The following POMK variants were observed in gnomAD, a reference collection of about 807,000 sequenced individuals.
POMK encodes the protein protein O-mannose kinase, also known as Sugen kinase 196.
POMK carries 19 observed loss-of-function variants against 23.0 expected under a neutral mutation model. The observed-to-expected ratio is 0.83, with a 90% CI of 0.58 to 1.21. POMK has a LOEUF of 1.21. Among genes scored for constraint, POMK ranks in the 50% most tolerant of loss-of-function variants. The pLI is 0.00. For synonymous variants in POMK, 173 were observed against 171.6 expected (o/e 1.01, Z -0.06); for missense variants, 410 against 431.3 (o/e 0.95, Z 0.44).
chr8:43,110,958 G>A (rs978790137), intron 4 of POMK, among the ~76,000 whole-genome samples: 5 of 152,040 alleles, frequency 3.3e-5, no homozygotes, highest in Non-Finnish European at 5.9e-5. Context: ...CAAGATGGCC[G>A]AATAGGAACA....
intron 4 of POMK, among the ~76,000 whole-genome samples, chr8:43,112,008 G>A (rs190075580): frequency 0.025 from 3,715 of 149,326 alleles, 231 homozygotes; most frequent in Admixed American, 0.15. Context: ...AAATCAGAGC[G>A]CCTCTCCTCC....
At chr8:43,095,722 G>A (rs1035311766) in intron 1 of POMK, among the ~76,000 whole-genome samples, 3 of 152,126 alleles carry the variant, frequency 2.0e-5, no homozygotes, top group African/African-American at 7.2e-5. Flanking sequence ...CCAAAACTCT[G>A]GCAAGAGGCT....
At chr8:43,099,126 G>C (rs1811390072) in intron 2 of POMK, among the ~76,000 whole-genome samples, 1 of 152,040 alleles carries the variant, frequency 6.6e-6, no homozygotes, top group Non-Finnish European at 1.5e-5. Flanking sequence ...TTTAAATTTA[G>C]TTTTTGTAGA....
intron 4 of POMK, among the ~76,000 whole-genome samples, chr8:43,112,119 G>GA (rs1193182590): frequency 6.6e-6 from 1 of 152,012 alleles, no homozygotes; most frequent in Non-Finnish European, 1.5e-5. Flanking sequence ...AAACTACTGC[G>GA]AGCTAAAGGA....
rs1811491477 is a variant in POMK, at chr8:43,103,705, A to G, written c.157A>G (p.Thr53Ala). The change falls in exon 4 of 5, where the codon ACA (threonine) becomes GCA (alanine). Residue 53 changes from threonine to alanine, a missense_variant. By Grantham distance (58) the Thr-to-Ala change is moderately conservative (BLOSUM62 0). Coordinates refer to ENST00000331373, the MANE Select transcript of POMK (RefSeq NM_032237.5). ...IAPRQSTVDP[T>A]HCPYGHFRIG... ...TCCTCGACAATCCACTGTGGACCCC[A>G]CACACTGTCCCTATGGTCACTTCAG... 6.2e-7 allele frequency: 1 copy of G among 1,613,998 alleles called. No homozygotes were observed. The highest frequency in any genetic ancestry group is 1.1e-5 in the South Asian group (1 of 91,086).
intron 4 of POMK, among the ~76,000 whole-genome samples, chr8:43,119,627 G>A (rs1319650947): frequency 1.3e-5 from 2 of 151,640 alleles, no homozygotes; most frequent in African/African-American, 2.4e-5. Flanking sequence ...TAGAGATGGG[G>A]TTTCACCATG....
At chr8:43,115,393 C>T (rs1215085243) in intron 4 of POMK, among the ~76,000 whole-genome samples, 2 of 152,190 alleles carry the variant, frequency 1.3e-5, no homozygotes, top group Non-Finnish European at 1.5e-5. Flanking sequence ...TTCTCAAACT[C>T]ACCACGTCAC....
chr8:43,105,355 C>T (rs931073843), intron 4 of POMK, among the ~76,000 whole-genome samples: 1 of 152,198 alleles, frequency 6.6e-6, no homozygotes, highest in African/African-American at 2.4e-5. Flanking sequence ...CCCTTCCCAG[C>T]CTCTAGAAAA....
At position 43,103,801 on chromosome 8, in the gene POMK, A is replaced by G; in HGVS notation, c.253A>G (p.Lys85Glu). The change falls in exon 4 of 5, where the codon AAG becomes GAG. Residue 85 changes from lysine to glutamate, a missense_variant. Transcript: ENST00000331373. ...GCTGAGAACAGAAGTGAGACAGCTGAAGCGTGTTGGGGAAGGAGCTGTAAA... is the reference window on the plus strand; with the variant it reads ...GCTGAGAACAGAAGTGAGACAGCTGGAGCGTGTTGGGGAAGGAGCTGTAAA... The part of the protein sequence containing the change: ...EELRTEVRQL[K>E]RVGEGAVKRV... 6.2e-7 allele frequency: 1 copy of G among 1,614,226 alleles called. No individual in the cohort carries two copies. Among genetic ancestry groups the G allele is most frequent in the Non-Finnish European group, 8.5e-7 (1 of 1,180,038 alleles).
intron 1 of POMK, among the ~76,000 whole-genome samples, chr8:43,095,854 G>A (rs1811323482): frequency 6.6e-6 from 1 of 152,214 alleles, no homozygotes; most frequent in Non-Finnish European, 1.5e-5. Context: ...ATTGGTGGGA[G>A]GTTAGGGGTA....
At chr8:43,114,288 G>C (rs918237442) in intron 4 of POMK, among the ~76,000 whole-genome samples, 1 of 152,252 alleles carries the variant, frequency 6.6e-6, no homozygotes, top group Non-Finnish European at 1.5e-5. Flanking sequence ...CGGCTGCTTT[G>C]TTTACCTAAG....
intron 2 of POMK, among the ~76,000 whole-genome samples, chr8:43,100,491 G>T (rs148744707): frequency 6.6e-5 from 10 of 151,980 alleles, no homozygotes; most frequent in African/African-American, 2.2e-4. Context: ...GGTGATGGGG[G>T]TGTGTATGGT....
At chr8:43,102,253 G>C (rs1811459592) in intron 2 of POMK, among the ~76,000 whole-genome samples, 1 of 152,218 alleles carries the variant, frequency 6.6e-6, no homozygotes, top group Non-Finnish European at 1.5e-5. Flanking sequence ...CATAGAAGCT[G>C]CTCAGGACAT....
At chr8:43,115,188 G>A (rs1280186067) in intron 4 of POMK, among the ~76,000 whole-genome samples, 6 of 152,182 alleles carry the variant, frequency 3.9e-5, no homozygotes, top group Non-Finnish European at 8.8e-5. Context: ...TGGAGGAATA[G>A]TGTCCACTTC....
At position 43,122,831 on chromosome 8, in the gene POMK, A is replaced by T; in HGVS notation, c.1007A>T (p.Asp336Val). The T allele has an allele frequency of 6.2e-7, 1 of 1,613,920 alleles. No individual in the cohort carries two copies. The highest frequency in any genetic ancestry group is 8.5e-7 in the Non-Finnish European group (1 of 1,180,010). Residue 336 changes from aspartate (D) to valine (V), a missense_variant, in exon 5 of 5, where the codon GAT (aspartate) becomes GTT (valine). Coordinates refer to ENST00000331373, the MANE Select transcript of POMK (RefSeq NM_032237.5). ...DVLETYQKVL[D>V]TLRDAMMSQA... Reference sequence around the variant, plus strand: ...CTGGAGACCTACCAGAAGGTCTTGGATACACTTAGAGATGCCATGATGTCT... The same window carrying T: ...CTGGAGACCTACCAGAAGGTCTTGGTTACACTTAGAGATGCCATGATGTCT...
intron 2 of POMK, among the ~76,000 whole-genome samples, chr8:43,097,892 C>A (rs1200561830): frequency 1.3e-5 from 2 of 152,018 alleles, no homozygotes; most frequent in Non-Finnish European, 2.9e-5. Context: ...CTTGATAGGC[C>A]AGTGAGCAAA....
intron 4 of POMK, among the ~76,000 whole-genome samples, chr8:43,119,066 C>T (rs1811858071): frequency 2.0e-5 from 3 of 152,164 alleles, no homozygotes. Context: ...CCGCCTCGGC[C>T]TCTTGAAGTG....
Position 43,122,458 on chromosome 8 carries a change from C to T in POMK, c.634C>T (p.Leu212=), listed in dbSNP as rs576329509. 2.5e-6 allele frequency: 4 copies of T among 1,614,170 alleles called. No homozygotes were observed. In the African/African-American group the frequency reaches 4.0e-5, roughly 16 times the overall value. The part of the protein sequence containing the change: ...MCDSNDLPKT[L]SQYLLTSNFS... ...CGACTCCAACGACCTGCCGAAGACA[C>T]TGTCCCAGTATCTGCTAACAAGCAA... Residue 212 remains leucine (L), a synonymous_variant, in exon 5 of 5, where the codon CTG becomes TTG. Coordinates refer to ENST00000331373, the MANE Select transcript of POMK (RefSeq NM_032237.5).
intron 4 of POMK, among the ~76,000 whole-genome samples, chr8:43,118,448 T>G (rs1224059497): frequency 6.6e-6 from 1 of 152,200 alleles, no homozygotes; most frequent in African/African-American, 2.4e-5. Flanking sequence ...GAAGTAAAAC[T>G]GGGGGCAGGG....
Sources: gnomAD v4.1 joint callset for allele counts (sites outside exome capture counted in the v4.1 genomes callset) on GRCh38, gnomAD v4.1.1 for gene constraint, MANE v1.5 for transcripts, NCBI Gene and HGNC (gene_info 2026-07-23, HGNC 2026-07-21) for gene names.